PLEKHA5: variants seen among roughly 807,000 people sequenced by gnomAD.
The protein encoded by PLEKHA5 is pleckstrin homology domain-containing family A member 5.
In PLEKHA5, 55 loss-of-function variants were observed where a neutral mutation model predicts 181.9. The ratio of observed to expected loss-of-function variants is 0.30; its 90% confidence interval spans 0.24 to 0.38. The LOEUF is 0.38. Among genes scored for constraint, PLEKHA5 ranks in the 10% least tolerant of loss-of-function variants. The pLI, the probability that PLEKHA5 is intolerant of heterozygous loss-of-function variation, is 1.00. For synonymous variants in PLEKHA5, 535 were observed against 529.4 expected (o/e 1.01, Z -0.15); for missense variants, 1,432 against 1,549.5 (o/e 0.92, Z 1.27).
intron 12 of PLEKHA5, among the ~76,000 whole-genome samples, chr12:19,285,019 G>A (rs554018651): frequency 8.5e-5 from 13 of 152,248 alleles, no homozygotes; most frequent in Admixed American, 2.0e-4. Flanking sequence ...CTTCAGCTGC[G>A]TTATTACCTA....
At chr12:19,243,428 C>T (rs905862816) in intron 3 of PLEKHA5, 1 of 152,188 alleles carries the variant, frequency 6.6e-6, no homozygotes, top group Non-Finnish European at 1.5e-5. Context: ...AAGGCCATTA[C>T]GTGACAGCTG....
intron 3 of PLEKHA5, among the ~76,000 whole-genome samples, chr12:19,250,095 C>A (rs1050810560): frequency 4.6e-5 from 7 of 152,090 alleles, no homozygotes; most frequent in African/African-American, 1.7e-4. Context: ...CCAGGGATTG[C>A]CAAATGCTCC....
At chr12:19,304,037 G>A (rs1018518403) in intron 15 of PLEKHA5, among the ~76,000 whole-genome samples, 1 of 151,618 alleles carries the variant, frequency 6.6e-6, no homozygotes, top group African/African-American at 2.4e-5. Flanking sequence ...TTGAACTCCT[G>A]GCCTCAAGTG....
rs2094367300 is a variant in PLEKHA5, at chr12:19,347,025, T to C, written c.2741T>C (p.Leu914Pro). The C allele has an allele frequency of 1.9e-6, 3 of 1,550,340 alleles. No individual in the cohort carries two copies. The highest frequency in any genetic ancestry group is 1.7e-4 in the Middle Eastern group (1 of 6,012). Residue 914 changes from leucine (L) to proline (P), a missense_variant, in exon 24 of 32, where the codon CTT (leucine) becomes CCT (proline). Transcript: ENST00000429027. ...GAAGTAGTCCCACCTCGTCCTCCAC[T>C]TCCTCGGTCCTATGACTTTACAGAG... ...EEEVVPPRPP[L>P]PRSYDFTEQP...
intron 20 of PLEKHA5, among the ~76,000 whole-genome samples, chr12:19,325,441 G>A (rs2091870962): frequency 1.3e-5 from 2 of 152,062 alleles, no homozygotes; most frequent in African/African-American, 4.8e-5. Flanking sequence ...TGTAATCCCA[G>A]CACTTTGGGA....
At chr12:19,271,807 T>C (rs1037568466) in intron 10 of PLEKHA5, among the ~76,000 whole-genome samples, 1 of 152,214 alleles carries the variant, frequency 6.6e-6, no homozygotes, top group Non-Finnish European at 1.5e-5. Context: ...TCTTTGTTAG[T>C]GTAATCTACT....
At chr12:19,356,756 G>T (rs1407849642) in intron 26 of PLEKHA5, among the ~76,000 whole-genome samples, 1 of 149,758 alleles carries the variant, frequency 6.7e-6, no homozygotes, top group Non-Finnish European at 1.5e-5. Flanking sequence ...TGCCTCCCGG[G>T]TTCAAATGAT....
At chr12:19,200,469 T>A in intron 3 of PLEKHA5, 1 of 1,414,318 alleles carries the variant, frequency 7.1e-7, no homozygotes, top group Non-Finnish European at 9.2e-7. Flanking sequence ...ATTGTCTTCG[T>A]TATCCAGTAG....
rs949452200 is a variant in PLEKHA5 at position 19,347,069 on chromosome 12, C to T, written c.2785C>T (p.Pro929Ser). Reference sequence around the variant, plus strand: ...TACAGAGCAGCCTCCCATAATCCCCCCTCTGCCCAGTGATAGCAGCTCCTT... The same window carrying T: ...TACAGAGCAGCCTCCCATAATCCCCTCTCTGCCCAGTGATAGCAGCTCCTT... ...DFTEQPPIIP[P>S]LPSDSSSLLC... The change falls in exon 24 of 32, where the codon CCT becomes TCT. Residue 929 changes from proline to serine, a missense_variant. This residue lies in a region of PLEKHA5 where 1,143 missense variants were observed against 1,168.4 expected (regional missense o/e 0.98). Coordinates refer to ENST00000429027, the MANE Select transcript of PLEKHA5 (RefSeq NM_001256470.2). 6 of 1,551,518 alleles carry T rather than the reference C, an allele frequency of 3.9e-6. No individual in the cohort carries two copies. The highest frequency in any genetic ancestry group is 5.2e-6 in the Non-Finnish European group (6 of 1,146,694).
chr12:19,291,193 TTAA>T (rs1426499048), intron 14 of PLEKHA5, among the ~76,000 whole-genome samples: 3 of 152,316 alleles, frequency 2.0e-5, no homozygotes, highest in Non-Finnish European at 4.4e-5. Flanking sequence ...CATTATAGCT[TTAA>T]TAATACTGCC....
chr12:19,232,259 T>C (rs1252581531), intron 3 of PLEKHA5, among the ~76,000 whole-genome samples: 2 of 152,138 alleles, frequency 1.3e-5, no homozygotes, highest in African/African-American at 2.4e-5. Context: ...ATGCTGATTG[T>C]TCCTAATATG....
intron 20 of PLEKHA5, among the ~76,000 whole-genome samples, chr12:19,329,260 T>G (rs2092599747): frequency 6.6e-6 from 1 of 152,196 alleles, no homozygotes; most frequent in Non-Finnish European, 1.5e-5. Context: ...TGAGGATTTT[T>G]GCATCTATGT....
chr12:19,247,545 C>CA (rs2064052981), intron 3 of PLEKHA5, among the ~76,000 whole-genome samples: 1 of 152,048 alleles, frequency 6.6e-6, no homozygotes, highest in African/African-American at 2.4e-5. Flanking sequence ...TTTATATACA[C>CA]ACTGATTTAG....
intron 30 of PLEKHA5, among the ~76,000 whole-genome samples, chr12:19,367,024 T>TA (rs1236476094): frequency 6.6e-6 from 1 of 152,048 alleles, no homozygotes; most frequent in African/African-American, 2.4e-5. Context: ...TAGCTGGGAC[T>TA]ACAGGTGTGT....
intron 3 of PLEKHA5, among the ~76,000 whole-genome samples, chr12:19,250,864 A>T (rs890702338): frequency 8.5e-5 from 13 of 152,154 alleles, no homozygotes. Context: ...TCACCTCTTC[A>T]TGCAAAATCT....
rs1211441614 is a variant in PLEKHA5 at position 19,353,849 on chromosome 12, T to G, written c.3020-35T>G. ...AAAGAAAGCAATGCTGTATAAAAGA[T>G]GTTTTGTAAAACTTACTGCTGTTTT... is the stretch of plus-strand genomic sequence containing the variant. On this transcript the variant is annotated intron_variant, in intron 25 of 31. Transcript: ENST00000429027. The G allele has an allele frequency of 3.3e-6, 3 of 903,782 alleles. No individual in the cohort carries two copies. The South Asian group carries it at 4.1e-5, about 12-fold the overall frequency. The allele number at this position is 903,782 out of a possible 1,614,324, so 56.0% of individuals were successfully genotyped here.
At chr12:19,175,529 A>G (rs2046975617) in intron 3 of PLEKHA5, among the ~76,000 whole-genome samples, 1 of 152,222 alleles carries the variant, frequency 6.6e-6, no homozygotes, top group Non-Finnish European at 1.5e-5. Flanking sequence ...GCTTTTCTAT[A>G]TAAAAATTCT....
At chr12:19,255,210 G>A (rs118006134) in intron 5 of PLEKHA5, 45 bp downstream of exon 5, 43,767 of 1,267,040 alleles carry the variant, frequency 0.035, 917 homozygotes, top group Non-Finnish European at 0.041. Context: ...GGAGTAAACA[G>A]TATCTATACC....
chr12:19,319,049 TA>T, intron 16 of PLEKHA5, among the ~76,000 whole-genome samples: 1 of 152,246 alleles, frequency 6.6e-6, no homozygotes, highest in Non-Finnish European at 1.5e-5. Context: ...TAGATCTACC[TA>T]TTTAAAACTT....
Sources: gnomAD v4.1 joint callset for allele counts (sites outside exome capture counted in the v4.1 genomes callset) on GRCh38, gnomAD v4.1.1 for gene constraint, gnomAD v4.1.1 regional missense constraint, MANE v1.5 for transcripts, NCBI Gene and HGNC (gene_info 2026-07-23, HGNC 2026-07-21) for gene names.